Variants in CDH8 observed in about 807,000 individuals in gnomAD.
CDH8 encodes cadherin-8.
A neutral mutation model predicts 68.1 loss-of-function variants in CDH8; 17 were observed. That is an observed-to-expected ratio of 0.25 (90% CI 0.17 to 0.37). The LOEUF (loss-of-function observed/expected upper bound fraction) is 0.37, where lower values mean the gene tolerates loss of function less well. CDH8 is among the 10% of genes least tolerant of loss of function. The pLI, the probability that CDH8 is intolerant of heterozygous loss-of-function variation, is 1.00. For missense variants in CDH8, 763 were observed against 999.3 expected, an observed-to-expected ratio of 0.76 and a Z score of 3.19; for synonymous variants, 372 against 365.1, an observed-to-expected ratio of 1.02 and a Z score of -0.21.
chr16:61,831,476 T>C (rs1962453355), intron 4 of CDH8, among the ~76,000 whole-genome samples: 1 of 151,860 alleles, frequency 6.6e-6, no homozygotes, highest in African/African-American at 2.4e-5. Context: ...ATTTAAATCC[T>C]AGACTGGCCT....
chr16:61,727,440 G>GA (rs1959407762), intron 8 of CDH8, among the ~76,000 whole-genome samples: 1 of 151,024 alleles, frequency 6.6e-6, no homozygotes, highest in South Asian at 2.1e-4. Context: ...AGTTTAGCTT[G>GA]ATAAAGACCA....
chr16:61,758,934 T>C (rs1460312638), intron 8 of CDH8, among the ~76,000 whole-genome samples: 2 of 152,056 alleles, frequency 1.3e-5, no homozygotes, highest in African/African-American at 2.4e-5. Context: ...GTGTGAAAAA[T>C]CTGACTTTGG....
In CDH8 at chr16:61,901,465, T is replaced by C. The variant is rs1253955576; in HGVS notation, c.261A>G (p.Thr87=). 1.9e-6 allele frequency: 3 copies of C among 1,604,358 alleles called. No homozygotes were observed. The highest frequency in any genetic ancestry group is 2.7e-5 in the African/African-American group (2 of 74,564). ...TTTTTTTGCTCCCAGGATCCAGGTC[T>C]GTGTGTAGCTGAAATGAAAAATGGC... ...PEPILVGRLH[T]DLDPGSKKIK... The change falls in exon 3 of 12, where the codon ACA becomes ACG. Residue 87 remains threonine, a synonymous_variant. Transcript: ENST00000577390.
chr16:61,796,865 G>C (rs528593140), intron 7 of CDH8, among the ~76,000 whole-genome samples: 2 of 152,010 alleles, frequency 1.3e-5, no homozygotes, highest in Non-Finnish European at 2.9e-5. Flanking sequence ...GAGTAGCTTC[G>C]AGAGATCAAA....
rs1279072350 is a variant in CDH8, at chr16:61,732,097, A to T, written c.1415-4882T>A. Among the ~76,000 whole-genome samples the T allele has an allele frequency of 2.0e-5, 3 of 151,612 alleles. No homozygotes were observed. The East Asian group carries it at 5.8e-4, about 29-fold the overall frequency. On this transcript the variant is annotated intron_variant, in intron 8 of 11. Coordinates refer to ENST00000577390, the MANE Select transcript of CDH8 (RefSeq NM_001796.5). ...AGCAGTTAAAAAAAAATAAAGAAAA[A>T]TGAGCAGAGCCTCAGTGAAATATGG...
At chr16:61,901,869 T>A (rs974879633) in intron 2 of CDH8, among the ~76,000 whole-genome samples, 1 of 152,146 alleles carries the variant, frequency 6.6e-6, no homozygotes, top group African/African-American at 2.4e-5. Flanking sequence ...TCTCATATAA[T>A]CATATCCTTT....
chr16:61,745,595 CTTTT>C (rs74264140), intron 8 of CDH8, among the ~76,000 whole-genome samples: 1 of 140,046 alleles, frequency 7.1e-6, no homozygotes, highest in Non-Finnish European at 1.6e-5. Flanking sequence ...TCTTTTCTTT[CTTTT>C]TTTTTTTTTC....
intron 3 of CDH8, among the ~76,000 whole-genome samples, chr16:61,889,606 C>A (rs1028790555): frequency 6.6e-6 from 1 of 152,112 alleles, no homozygotes; most frequent in African/African-American, 2.4e-5. Flanking sequence ...TTTCTCTGAC[C>A]AGCAAATGCG....
At chr16:61,905,533 A>C (rs911726524) in intron 2 of CDH8, among the ~76,000 whole-genome samples, 10 of 152,142 alleles carry the variant, frequency 6.6e-5, no homozygotes, top group African/African-American at 2.4e-4. Context: ...ACAGCAAACT[A>C]AAGATGATTT....
chr16:61,765,713 T>C (rs570806337), intron 8 of CDH8, among the ~76,000 whole-genome samples: 1 of 152,152 alleles, frequency 6.6e-6, no homozygotes, highest in African/African-American at 2.4e-5. Flanking sequence ...AGTACAATAA[T>C]AGACCCGTAG....
At chr16:61,717,012 T>C (rs1964743410) in intron 9 of CDH8, among the ~76,000 whole-genome samples, 1 of 151,694 alleles carries the variant, frequency 6.6e-6, no homozygotes, top group Non-Finnish European at 1.5e-5. Context: ...AGAGGGCAAC[T>C]GGAGACCACG....
chr16:61,967,957 C>T (rs578124785), intron 2 of CDH8, among the ~76,000 whole-genome samples: 5 of 152,142 alleles, frequency 3.3e-5, no homozygotes, highest in African/African-American at 4.8e-5. Context: ...TACAGGCGCC[C>T]GCCACCACGC....
At chr16:61,990,991 AAGGG>A (rs966403667) in intron 2 of CDH8, among the ~76,000 whole-genome samples, 2 of 151,598 alleles carry the variant, frequency 1.3e-5, no homozygotes, top group East Asian at 1.9e-4. Flanking sequence ...GGAAGGAAGA[AAGGG>A]AGGAAGGAAA....
rs150996284 is a variant in CDH8, at chr16:61,862,279, A to G, written c.548-5041T>C. On this transcript the variant is annotated intron_variant, in intron 3 of 11. Coordinates refer to ENST00000577390, the MANE Select transcript of CDH8 (RefSeq NM_001796.5). ...AAAAATAAAAAGTATTTTATAAACA[A>G]AAGTGTACTATGTAAAAGCTTATAC... 4.2e-4 allele frequency among the ~76,000 whole-genome samples: 64 copies of G among 152,260 alleles called. No homozygotes were observed. The East Asian group carries it at 0.011, about 27-fold the overall frequency.
chr16:62,031,857 T>G (rs1456865152), intron 1 of CDH8: 1 of 152,144 alleles, frequency 6.6e-6, no homozygotes, highest in Non-Finnish European at 1.5e-5. Context: ...CGGCAACATA[T>G]GGTAGAAGCA....
chr16:61,842,013 G>T (rs1425354635), intron 4 of CDH8, among the ~76,000 whole-genome samples: 69 of 151,118 alleles, frequency 4.6e-4, no homozygotes, highest in Admixed American at 4.5e-3. Flanking sequence ...TCAGCCTCCT[G>T]AGTAGCTGGG....
chr16:61,655,405 C>CG, intron 11 of CDH8, 65 bp downstream of exon 11: 1 of 1,395,958 alleles, frequency 7.2e-7, no homozygotes, highest in South Asian at 1.7e-5. Context: ...AGTTTTCTGT[C>CG]CTTATTTACA....
intron 2 of CDH8, among the ~76,000 whole-genome samples, chr16:62,007,202 G>A (rs998233577): frequency 4.6e-5 from 7 of 152,090 alleles, no homozygotes; most frequent in Non-Finnish European, 7.4e-5. Context: ...CACCACACCC[G>A]GCCCCCATTT....
chr16:61,675,108 G>T (rs1484244929), intron 10 of CDH8, among the ~76,000 whole-genome samples: 1 of 152,020 alleles, frequency 6.6e-6, no homozygotes, highest in Non-Finnish European at 1.5e-5. Flanking sequence ...GTTAAAGGAA[G>T]TTATTAATCT....
Sources: gnomAD v4.1 joint callset for allele counts (sites outside exome capture counted in the v4.1 genomes callset) on GRCh38, gnomAD v4.1.1 for gene constraint, MANE v1.5 for transcripts, NCBI Gene and HGNC (gene_info 2026-07-23, HGNC 2026-07-21) for gene names.